Variants in TBRG4 observed in about 807,000 individuals in gnomAD.
TBRG4 encodes FAST kinase domain-containing protein 4.
Under a neutral mutation model 65.6 loss-of-function variants are expected in TBRG4, and 43 were observed. That is an observed-to-expected ratio of 0.66 (90% CI 0.51 to 0.85). TBRG4 has a LOEUF of 0.85. TBRG4 is among the 40% of genes least tolerant of loss of function. The pLI is 0.00. For synonymous variants in TBRG4, 366 were observed against 341.4 expected (o/e 1.07, Z -0.79); for missense variants, 709 against 787.9 (o/e 0.90, Z 1.20).
chr7:45,102,760 C>A, intron 6 of TBRG4: 1 of 497,548 alleles, frequency 2.0e-6, no homozygotes, highest in Admixed American at 3.7e-5. Context: ...AGGTTTACTA[C>A]AACCAACCTA....
intron 4 of TBRG4, 49 bp downstream of exon 4, chr7:45,104,489 T>C: frequency 3.7e-6 from 6 of 1,613,300 alleles, no homozygotes; most frequent in Non-Finnish European, 4.2e-6. Flanking sequence ...TGCAGGCATC[T>C]GCAGGGCCAG....
rs778839495 is a variant in TBRG4, at chr7:45,101,666, C to A, written c.1568-52G>T. On this transcript the variant is annotated intron_variant, in intron 8 of 10. Transcript: ENST00000258770. ...ATGTTGGGGGACATCCCTCAGAAACCCCCCCACAGGAAAGATGAACAAAGA... is the reference window on the plus strand; with the variant it reads ...ATGTTGGGGGACATCCCTCAGAAACACCCCCACAGGAAAGATGAACAAAGA... 1.9e-6 allele frequency: 3 copies of A among 1,601,424 alleles called. 1 individual carries two copies. Among genetic ancestry groups the A allele is most frequent in the South Asian group, 2.2e-5 (2 of 90,734 alleles).
intron 6 of TBRG4, 161 bp from the exon 7 acceptor site, chr7:45,102,652 C>G (rs985897302): frequency 9.7e-6 from 9 of 927,824 alleles, no homozygotes; most frequent in Non-Finnish European, 1.4e-5. Flanking sequence ...TTGGTGAGGC[C>G]TGGAGCAATC....
chr7:45,103,196 T>A (rs539236223), intron 6 of TBRG4, 137 bp downstream of exon 6: 6 of 699,682 alleles, frequency 8.6e-6, no homozygotes, highest in Non-Finnish European at 1.5e-5. Context: ...TCCAATCAGT[T>A]CCCCCTGCCC....
In TBRG4 at chr7:45,104,522, T is replaced by C. The variant is rs1384506917; in HGVS notation, c.907+16A>G. On this transcript the variant is annotated intron_variant, in intron 4 of 10. Transcript: ENST00000258770. ...CAGCGCTCCCCTCTCTCCACCGTTCTGTCCAAAGGGCTCACCATAGGCATA... is the reference window on the plus strand; with the variant it reads ...CAGCGCTCCCCTCTCTCCACCGTTCCGTCCAAAGGGCTCACCATAGGCATA... The C allele has an allele frequency of 6.2e-7, 1 of 1,613,782 alleles. No individual in the cohort carries two copies. Among genetic ancestry groups the C allele is most frequent in the Non-Finnish European group, 8.5e-7 (1 of 1,179,964 alleles).
Position 45,108,824 on chromosome 7 carries a change from C to G in TBRG4, c.411+3G>C, listed in dbSNP as rs1785033839. 6.5e-7 allele frequency: 1 copy of G among 1,528,242 alleles called. No homozygotes were observed. The highest frequency in any genetic ancestry group is 8.8e-7 in the Non-Finnish European group (1 of 1,140,938). The allele number at this position is 1,528,242 out of a possible 1,614,324, so 94.7% of individuals were successfully genotyped here. On this transcript the variant is annotated splice_donor_region_variant and intron_variant, in intron 2 of 10. Transcript: ENST00000258770. ...TGCTCTCAGACCACACTCCGGCACC[C>G]ACCTGACTGTTGAGCAGACAGAGAA...
chr7:45,102,232 G>C (rs748844485), intron 7 of TBRG4, 115 bp downstream of exon 7: 3 of 1,553,244 alleles, frequency 1.9e-6, no homozygotes, highest in East Asian at 2.3e-5. Context: ...AGAGGATGGA[G>C]AGCGAGGGGG....
intron 3 of TBRG4, 27 bp downstream of exon 3, chr7:45,105,414 G>C: frequency 6.4e-7 from 1 of 1,565,956 alleles, no homozygotes; most frequent in Non-Finnish European, 8.7e-7. Flanking sequence ...AGGCAGGCTG[G>C]GTGCCACCTG....
At chr7:45,111,518 G>C in intron 1 of TBRG4, 125 bp downstream of exon 1, 1 of 1,133,468 alleles carries the variant, frequency 8.8e-7, no homozygotes, top group Non-Finnish European at 1.2e-6. Flanking sequence ...CAGGCCCACG[G>C]CATCCCACCG....
chr7:45,102,236 G>A (rs757246882), intron 7 of TBRG4, 111 bp downstream of exon 7: 18 of 1,554,980 alleles, frequency 1.2e-5, no homozygotes, highest in Admixed American at 7.1e-5. Flanking sequence ...GATGGAGAGC[G>A]AGGGGGAGGG....
At chr7:45,102,696 C>T (rs990019072) in intron 6 of TBRG4, 2 of 638,970 alleles carry the variant, frequency 3.1e-6, no homozygotes, top group Admixed American at 3.1e-5. Context: ...CTTCCTCATG[C>T]CCCAAGACCA....
At chr7:45,101,427 G>A in intron 9 of TBRG4, 55 bp from the exon 10 acceptor site, 1 of 1,605,268 alleles carries the variant, frequency 6.2e-7, no homozygotes, top group African/African-American at 1.3e-5. Context: ...CCCTCGGAGG[G>A]GAAAGATGGA....
intron 10 of TBRG4, 95 bp from the exon 11 acceptor site, chr7:45,100,521 TCA>T (rs1229860551): frequency 6.3e-6 from 6 of 945,474 alleles, no homozygotes; most frequent in Non-Finnish European, 1.0e-5. Context: ...CATTGACCCC[TCA>T]CCCAACACCT....
chr7:45,101,649 G>A, intron 8 of TBRG4, 35 bp from the exon 9 acceptor site: 1 of 1,605,964 alleles, frequency 6.2e-7, no homozygotes, highest in Non-Finnish European at 8.5e-7. Flanking sequence ...ACATGTTGGG[G>A]GACATCCCTC....
In TBRG4 at chr7:45,108,807, G is replaced by T; in HGVS notation, c.411+20C>A. On this transcript the variant is annotated intron_variant, in intron 2 of 10. Transcript: ENST00000258770. ...TGTTTTCCTCTTGTCTATGCTCTCA[G>T]ACCACACTCCGGCACCCACCTGACT... The T allele has an allele frequency of 6.6e-7, 1 of 1,513,530 alleles. No individual in the cohort carries two copies. The highest frequency in any genetic ancestry group is 1.4e-5 in the South Asian group (1 of 73,662). The allele number at this position is 1,513,530 out of a possible 1,614,324, so 93.8% of individuals were successfully genotyped here.
At position 45,109,021 on chromosome 7, in the gene TBRG4, C is replaced by T. The variant is rs759975275; in HGVS notation, c.217G>A (p.Asp73Asn). ...ASTPYIEKQV[D>N]HLIKKATRPE... ...CTTGTGGCCTTCTTGATGAGGTGGTCCACCTGCTTCTCTATGTAGGGAGTA... is the reference window on the plus strand; with the variant it reads ...CTTGTGGCCTTCTTGATGAGGTGGTTCACCTGCTTCTCTATGTAGGGAGTA... Residue 73 changes from aspartate to asparagine, a missense_variant, in exon 2 of 11, where the codon GAC becomes AAC. Transcript: ENST00000258770. The T allele has an allele frequency of 6.2e-7, 1 of 1,611,826 alleles. No homozygotes were observed. Among genetic ancestry groups the T allele is most frequent in the Non-Finnish European group, 8.5e-7 (1 of 1,178,860 alleles).
rs1562933784 is a variant in TBRG4, at chr7:45,101,384, A to G, written c.1680-12T>C. On this transcript the variant is annotated splice_polypyrimidine_tract_variant and intron_variant, in intron 9 of 10. Coordinates refer to ENST00000258770, the MANE Select transcript of TBRG4 (RefSeq NM_004749.4). Reference sequence around the variant, plus strand: ...GCAAGAACGCTAGCCTGGAAGGAAGAAGAGGTGGCTGACATGCTTCCACTC... The same window carrying G: ...GCAAGAACGCTAGCCTGGAAGGAAGGAGAGGTGGCTGACATGCTTCCACTC... 6.8e-6 allele frequency: 11 copies of G among 1,613,596 alleles called. No individual in the cohort carries two copies. The highest frequency in any genetic ancestry group is 9.3e-6 in the Non-Finnish European group (11 of 1,179,702).
chr7:45,110,330 C>T (rs1051638398), intron 1 of TBRG4, among the ~76,000 whole-genome samples: 1 of 152,154 alleles, frequency 6.6e-6, no homozygotes, highest in East Asian at 1.9e-4. Context: ...CTCAATGTTG[C>T]CATCTCCAGC....
At chr7:45,106,186 T>C (rs1205047212) in intron 2 of TBRG4, 1 of 411,202 alleles carries the variant, frequency 2.4e-6, no homozygotes, top group Non-Finnish European at 4.8e-6. Flanking sequence ...CTACAATAAA[T>C]AGCACATTTC....
Sources: gnomAD v4.1 joint callset for allele counts (sites outside exome capture counted in the v4.1 genomes callset) on GRCh38, gnomAD v4.1.1 for gene constraint, MANE v1.5 for transcripts, NCBI Gene and HGNC (gene_info 2026-07-23, HGNC 2026-07-21) for gene names.